GALNT13: variants seen among roughly 807,000 people sequenced by gnomAD.
GALNT13 encodes polypeptide N-acetylgalactosaminyltransferase 13, also known as UDP-GalNAc:polypeptide N-acetylgalactosaminyltransferase 13.
In GALNT13, 28 loss-of-function variants were observed where a neutral mutation model predicts 64.2. The ratio of observed to expected loss-of-function variants is 0.44; its 90% CI spans 0.32 to 0.60. The LOEUF is 0.60. Ranked by LOEUF, GALNT13 falls within the 20% of genes least tolerant of loss-of-function variation. The probability of loss-of-function intolerance (pLI) is 0.05; values close to 1 mark genes in which losing one functional copy is unlikely to be tolerated. For synonymous variants in GALNT13, 214 were observed against 224.6 expected, an observed-to-expected ratio of 0.95 and a Z score of 0.42; for missense variants, 577 against 669.8, an observed-to-expected ratio of 0.86 and a Z score of 1.53.
the GALNT13 span, among the ~76,000 whole-genome samples, chr2:153,845,790 G>A: frequency 6.6e-6 from 1 of 151,926 alleles, no homozygotes; most frequent in African/African-American, 2.4e-5. Context: ...CAGGGTAAAT[G>A]TAAAGTACCA....
At chr2:153,756,126 T>A in the GALNT13 span, among the ~76,000 whole-genome samples, 2 of 152,124 alleles carry the variant, frequency 1.3e-5, no homozygotes, top group Non-Finnish European at 2.9e-5. Context: ...CCTTCTCTGA[T>A]TTGATTGGGA....
chr2:153,749,707 G>A, the GALNT13 span, among the ~76,000 whole-genome samples: 2 of 151,750 alleles, frequency 1.3e-5, no homozygotes, highest in Non-Finnish European at 3.0e-5. Flanking sequence ...ACTTTGGCGA[G>A]TTTTTCAATT....
intron 1 of GALNT13, among the ~76,000 whole-genome samples, chr2:153,884,799 ATATATATG>A (rs1687033147): frequency 1.3e-5 from 1 of 79,284 alleles, no homozygotes; most frequent in African/African-American, 5.6e-5. Context: ...GTGTGTATAT[ATATATATG>A]TGTGTGTGTG....
chr2:154,032,312 T>C (rs1698388453), intron 3 of GALNT13, among the ~76,000 whole-genome samples: 1 of 152,058 alleles, frequency 6.6e-6, no homozygotes, highest in Admixed American at 6.6e-5. Context: ...TGAAGAAGCC[T>C]GTAGGCTCAG....
At chr2:153,806,486 T>C in the GALNT13 span, among the ~76,000 whole-genome samples, 1 of 151,978 alleles carries the variant, frequency 6.6e-6, no homozygotes, top group East Asian at 1.9e-4. Flanking sequence ...ATTATATAAA[T>C]GAAATATCAC....
chr2:153,363,217 G>A, the GALNT13 span, among the ~76,000 whole-genome samples: 3 of 152,162 alleles, frequency 2.0e-5, no homozygotes, highest in East Asian at 3.9e-4. Context: ...CAGAATCTCC[G>A]AGACACTGCT....
At chr2:154,118,282 C>CTCT (rs1681719384) in intron 3 of GALNT13, among the ~76,000 whole-genome samples, 1 of 130,608 alleles carries the variant, frequency 7.7e-6, no homozygotes, top group African/African-American at 2.8e-5. Flanking sequence ...CCCTCTTTGT[C>CTCT]TTTTTTTTTT....
the GALNT13 span, among the ~76,000 whole-genome samples, chr2:153,756,827 T>G: frequency 8.5e-5 from 13 of 152,226 alleles, no homozygotes; most frequent in East Asian, 2.5e-3. Flanking sequence ...ATGTAAACTA[T>G]CTGCTCCAGT....
the GALNT13 span, among the ~76,000 whole-genome samples, chr2:153,235,003 G>T: frequency 6.6e-6 from 1 of 152,116 alleles, no homozygotes; most frequent in Non-Finnish European, 1.5e-5. Context: ...TATTATATCT[G>T]CTATGGTGAT....
chr2:154,042,312 A>G (rs3108892), intron 3 of GALNT13, among the ~76,000 whole-genome samples: 138,805 of 138,846 alleles, frequency 1, 69,387 homozygotes, highest in Middle Eastern at 1. Context: ...AATATGTGCT[A>G]AGTACCTCAT....
the GALNT13 span, among the ~76,000 whole-genome samples, chr2:153,282,893 A>G: frequency 1.3e-5 from 2 of 151,872 alleles, no homozygotes; most frequent in South Asian, 4.2e-4. Context: ...GTGACTATAG[A>G]GGATGTTGGG....
At chr2:153,342,377 T>C in the GALNT13 span, among the ~76,000 whole-genome samples, 1 of 152,170 alleles carries the variant, frequency 6.6e-6, no homozygotes, top group Non-Finnish European at 1.5e-5. Context: ...GAATTATAGG[T>C]TTGCATTTGC....
At chr2:154,270,015 A>T (rs1390443883) in intron 8 of GALNT13, among the ~76,000 whole-genome samples, 1 of 149,098 alleles carries the variant, frequency 6.7e-6, no homozygotes, top group Non-Finnish European at 1.5e-5. Flanking sequence ...AATGTGTTAG[A>T]ATTTTATTTT....
chr2:153,670,629 CA>C, the GALNT13 span, among the ~76,000 whole-genome samples: 1 of 152,236 alleles, frequency 6.6e-6, no homozygotes, highest in East Asian at 1.9e-4. Flanking sequence ...TTCTAAAAAC[CA>C]GAATGCCTCT....
chr2:154,419,355 T>C (rs1279018824), intron 11 of GALNT13, among the ~76,000 whole-genome samples: 2 of 152,104 alleles, frequency 1.3e-5, no homozygotes, highest in Admixed American at 6.6e-5. Context: ...AGATTGTAAG[T>C]TTTTGTTTTC....
At chr2:153,379,690 T>A in the GALNT13 span, among the ~76,000 whole-genome samples, 1 of 152,166 alleles carries the variant, frequency 6.6e-6, no homozygotes, top group Non-Finnish European at 1.5e-5. Context: ...AAGAACTGAA[T>A]GAGATATTGT....
At chr2:154,353,064 AAT>A (rs1374224887) in intron 9 of GALNT13, among the ~76,000 whole-genome samples, 1 of 152,134 alleles carries the variant, frequency 6.6e-6, no homozygotes, top group Non-Finnish European at 1.5e-5. Context: ...TTTACACTAC[AAT>A]GACCTGAATG....
the GALNT13 span, among the ~76,000 whole-genome samples, chr2:153,796,931 A>G: frequency 2.0e-5 from 3 of 152,324 alleles, no homozygotes; most frequent in East Asian, 3.9e-4. Context: ...GAGAAAATTT[A>G]TCTTCTCCCA....
chr2:154,051,555 G>T (rs1412279353), intron 3 of GALNT13, among the ~76,000 whole-genome samples: 1 of 151,976 alleles, frequency 6.6e-6, no homozygotes, highest in East Asian at 1.9e-4. Context: ...CTCCCAAAGT[G>T]CTGGGATTAC....
Sources: gnomAD v4.1 joint callset for allele counts (sites outside exome capture counted in the v4.1 genomes callset) on GRCh38, gnomAD v4.1.1 for gene constraint, MANE v1.5 for transcripts, NCBI Gene and HGNC (gene_info 2026-07-23, HGNC 2026-07-21) for gene names.